The following MEIKIN variants were observed in gnomAD, a reference collection of about 807,000 sequenced individuals.
The protein encoded by MEIKIN is meiotic kinetochore factor.
At chr5:131,808,100 CAA>C (rs1305266960) in intron 12 of MEIKIN, among the ~76,000 whole-genome samples, 2 of 152,216 alleles carry the variant, frequency 1.3e-5, no homozygotes, top group Non-Finnish European at 2.9e-5. Flanking sequence ...AGTACTAAAT[CAA>C]AGTCTCCATT....
At chr5:131,819,704 A>T (rs577050874) in intron 11 of MEIKIN, among the ~76,000 whole-genome samples, 2 of 133,230 alleles carry the variant, frequency 1.5e-5, no homozygotes, top group South Asian at 4.8e-4. Flanking sequence ...CGTTCAAGTG[A>T]TTTTCATACC....
chr5:131,872,327 C>T (rs767105578), intron 9 of MEIKIN, among the ~76,000 whole-genome samples: 8 of 152,182 alleles, frequency 5.3e-5, no homozygotes, highest in Non-Finnish European at 8.8e-5. Flanking sequence ...CTGAAAACCA[C>T]GGCACGAGAA....
At chr5:131,821,630 C>CT (rs375765946) in intron 11 of MEIKIN, among the ~76,000 whole-genome samples, 3,911 of 50,422 alleles carry the variant, frequency 0.078, 1,189 homozygotes, top group African/African-American at 0.11. Flanking sequence ...TGAGGTCTGC[C>CT]TTTTTTTTTT....
intron 8 of MEIKIN, among the ~76,000 whole-genome samples, chr5:131,905,938 T>G (rs1279054688): frequency 6.6e-6 from 1 of 152,130 alleles, no homozygotes; most frequent in Non-Finnish European, 1.5e-5. Context: ...GAAAATAACC[T>G]AGGAAATACC....
At chr5:131,856,365 C>G (rs181393531) in intron 9 of MEIKIN, among the ~76,000 whole-genome samples, 1 of 152,238 alleles carries the variant, frequency 6.6e-6, no homozygotes, top group Non-Finnish European at 1.5e-5. Flanking sequence ...AAAGAACCAG[C>G]TGTTCCAGTG....
intron 5 of MEIKIN, among the ~76,000 whole-genome samples, chr5:131,931,524 T>C (rs950450122): frequency 1.3e-5 from 2 of 152,168 alleles, no homozygotes; most frequent in Admixed American, 6.5e-5. Context: ...TTCAGAACAC[T>C]GGATGTATTG....
intron 11 of MEIKIN, among the ~76,000 whole-genome samples, chr5:131,828,221 A>G (rs577774847): frequency 6.6e-6 from 1 of 152,232 alleles, no homozygotes; most frequent in East Asian, 1.9e-4. Flanking sequence ...GCACGATCTC[A>G]CAATCTTGGC....
intron 4 of MEIKIN, among the ~76,000 whole-genome samples, chr5:131,941,539 G>T (rs1273344749): frequency 6.6e-6 from 1 of 151,822 alleles, no homozygotes; most frequent in Non-Finnish European, 1.5e-5. Context: ...CTCTGCAGTG[G>T]TTTTTTTTCC....
intron 4 of MEIKIN, among the ~76,000 whole-genome samples, chr5:131,937,949 G>A (rs773232460): frequency 3.3e-5 from 5 of 151,434 alleles, no homozygotes; most frequent in South Asian, 2.1e-4. Flanking sequence ...GAATCTGAAT[G>A]GCTCTTTCAG....
intron 11 of MEIKIN, among the ~76,000 whole-genome samples, chr5:131,819,781 T>A (rs1201256776): frequency 7.6e-6 from 1 of 130,906 alleles, no homozygotes; most frequent in Non-Finnish European, 1.6e-5. Flanking sequence ...TTTTTTTTTT[T>A]TTTTTTTTTT....
intron 9 of MEIKIN, among the ~76,000 whole-genome samples, chr5:131,865,039 G>A (rs1195660891): frequency 6.6e-6 from 1 of 152,050 alleles, no homozygotes. Flanking sequence ...TTCATTCAAT[G>A]AAACCTTCAT....
chr5:131,879,892 C>T (rs951562295), intron 8 of MEIKIN, among the ~76,000 whole-genome samples: 10 of 152,140 alleles, frequency 6.6e-5, no homozygotes, highest in African/African-American at 2.2e-4. Flanking sequence ...TTTTGCCTAT[C>T]ATATGCATTT....
intron 8 of MEIKIN, among the ~76,000 whole-genome samples, chr5:131,881,815 A>T (rs1210038118): frequency 6.6e-6 from 1 of 152,160 alleles, no homozygotes; most frequent in Non-Finnish European, 1.5e-5. Context: ...TTCTCCAAAG[A>T]CTACCACTGT....
intron 8 of MEIKIN, among the ~76,000 whole-genome samples, chr5:131,907,814 G>A (rs1751268072): frequency 6.6e-6 from 1 of 152,098 alleles, no homozygotes; most frequent in Non-Finnish European, 1.5e-5. Context: ...AGAGGTTGCA[G>A]TGAGCTGAGA....
intron 8 of MEIKIN, among the ~76,000 whole-genome samples, chr5:131,900,376 T>G (rs1352580678): frequency 6.6e-6 from 1 of 152,154 alleles, no homozygotes; most frequent in East Asian, 1.9e-4. Context: ...GCACTGGGAC[T>G]CATTCCTGGC....
chr5:131,834,239 T>A (rs1266963855), intron 11 of MEIKIN, among the ~76,000 whole-genome samples: 2 of 152,200 alleles, frequency 1.3e-5, no homozygotes, highest in African/African-American at 4.8e-5. Flanking sequence ...AAATTGCATA[T>A]ATTCAAGGTG....
At chr5:131,811,053 A>C (rs915257157) in intron 12 of MEIKIN, among the ~76,000 whole-genome samples, 2 of 152,208 alleles carry the variant, frequency 1.3e-5, no homozygotes, top group Admixed American at 6.5e-5. Context: ...GTTGAAAGGG[A>C]AACAGGAGGC....
At position 131,898,728 on chromosome 5, in the gene MEIKIN, G is replaced by A. The variant is rs528289657; in HGVS notation, c.703+13087C>T. Among the ~76,000 whole-genome samples, 11 of 152,376 alleles carry A rather than the reference G, an allele frequency of 7.2e-5. No individual in the cohort carries two copies. The South Asian group carries it at 2.1e-3, about 29-fold the overall frequency. ...AAACTCCGTGGGCATGGGACCCCGT[G>A]AGCGAGGCACGGGAGAGAATCTCCT... On this transcript the variant is annotated intron_variant, in intron 8 of 12. Transcript: ENST00000442687.
rs148726746 is a variant in MEIKIN at position 131,889,998 on chromosome 5, A to G, written c.704-10950T>C. ...GTGGTTTTTGTCTTTGGTTCTATTT[A>G]TATGCTGGATTACGTTTACTGATTT... On this transcript the variant is annotated intron_variant, in intron 8 of 12. Coordinates refer to ENST00000442687, the MANE Select transcript of MEIKIN (RefSeq NM_001303622.2). 3.7e-3 allele frequency among the ~76,000 whole-genome samples: 564 copies of G among 152,250 alleles called. 4 individuals carry two copies. Among genetic ancestry groups the G allele is most frequent in the African/African-American group, 0.013 (534 of 41,534 alleles).
Sources: gnomAD v4.1 joint callset for allele counts (sites outside exome capture counted in the v4.1 genomes callset) on GRCh38, gnomAD v4.1.1 for gene constraint, MANE v1.5 for transcripts, NCBI Gene and HGNC (gene_info 2026-07-23, HGNC 2026-07-21) for gene names.